The following ALK variants were observed in gnomAD, a reference collection of about 807,000 sequenced individuals.
ALK encodes the protein ALK receptor tyrosine kinase.
ALK carries 74 observed loss-of-function variants against 163.1 expected under a neutral mutation model. The ratio of observed to expected loss-of-function variants is 0.45; its 90% CI spans 0.38 to 0.55. ALK has a LOEUF of 0.55. ALK is among the 20% of genes least tolerant of loss of function. The pLI is 0.00. For synonymous variants in ALK, 960 were observed against 843.2 expected (o/e 1.14, Z -2.40); for missense variants, 2,063 against 2,105.3 (o/e 0.98, Z 0.39).
At chr2:29,328,871 G>T (rs115215804) in intron 5 of ALK, among the ~76,000 whole-genome samples, 1 of 152,298 alleles carries the variant, frequency 6.6e-6, no homozygotes, top group Non-Finnish European at 1.5e-5. Context: ...TCAAATTTGG[G>T]GTACCAAGAG....
chr2:29,328,283 A>T, intron 6 of ALK, 67 bp downstream of exon 6: 1 of 1,611,178 alleles, frequency 6.2e-7, no homozygotes, highest in Non-Finnish European at 8.5e-7. Flanking sequence ...TGCCTGGGAT[A>T]ATGGGGACAA....
intron 3 of ALK, among the ~76,000 whole-genome samples, chr2:29,605,628 A>G (rs1436151861): frequency 2.0e-5 from 3 of 152,186 alleles, no homozygotes; most frequent in Non-Finnish European, 4.4e-5. Flanking sequence ...TCACCTGGCA[A>G]GAAGGTGGCC....
At chr2:29,354,935 T>A (rs1052074215) in intron 5 of ALK, among the ~76,000 whole-genome samples, 9 of 151,988 alleles carry the variant, frequency 5.9e-5, no homozygotes, top group African/African-American at 2.2e-4. Flanking sequence ...CCTGGCTAAT[T>A]TTTTGTATTT....
rs924791487 is a variant in ALK, at chr2:29,513,677, C to T, written c.1154+18238G>A. On this transcript the variant is annotated intron_variant, in intron 4 of 28. Coordinates refer to ENST00000389048, the MANE Select transcript of ALK (RefSeq NM_004304.5). ...ATCTAATTAAACTAAACAGCTTCTG[C>T]ACAGCAAAAGAAACTACCATCAGAG... 8.3e-4 allele frequency among the ~76,000 whole-genome samples: 125 copies of T among 151,308 alleles called. 1 individual carries two copies. Among genetic ancestry groups the T allele is most frequent in the African/African-American group, 2.7e-3 (113 of 41,370 alleles).
intron 1 of ALK, among the ~76,000 whole-genome samples, chr2:29,795,959 G>A (rs527300628): frequency 3.2e-4 from 49 of 152,132 alleles, no homozygotes; most frequent in African/African-American, 1.2e-3. Context: ...AACGGCCTTC[G>A]AACTGCTTTT....
At chr2:29,734,640 CCTCT>C (rs1325242549) in intron 1 of ALK, among the ~76,000 whole-genome samples, 1 of 151,672 alleles carries the variant, frequency 6.6e-6, no homozygotes, top group Admixed American at 6.6e-5. Context: ...TCTCTTTCTC[CCTCT>C]CTCTTTCTGA....
chr2:29,232,036 C>CAAGTTGGTAAAACCT (rs67042195), intron 15 of ALK, among the ~76,000 whole-genome samples: 2 of 24,710 alleles, frequency 8.1e-5, no homozygotes, highest in Non-Finnish European at 3.3e-4. Flanking sequence ...CTAACAATTG[C>CAAGTTGGTAAAACCT]AGGGAGGGCC....
intron 1 of ALK, among the ~76,000 whole-genome samples, chr2:29,759,082 T>C (rs562636238): frequency 8.4e-4 from 128 of 152,334 alleles, no homozygotes; most frequent in Non-Finnish European, 1.6e-3. Flanking sequence ...ATCTCTTTTC[T>C]GTGTGTGTAA....
intron 5 of ALK, among the ~76,000 whole-genome samples, chr2:29,358,069 G>A (rs2148284603): frequency 6.6e-6 from 1 of 152,314 alleles, no homozygotes; most frequent in East Asian, 1.9e-4. Flanking sequence ...CAGCAGAAAG[G>A]AGACTCGAGC....
intron 3 of ALK, among the ~76,000 whole-genome samples, chr2:29,590,415 G>T (rs1185225231): frequency 6.6e-6 from 1 of 152,126 alleles, no homozygotes; most frequent in Non-Finnish European, 1.5e-5. Flanking sequence ...AGTTGACAAA[G>T]ATTTTTTGCC....
intron 3 of ALK, among the ~76,000 whole-genome samples, chr2:29,620,035 T>C (rs972976019): frequency 6.6e-6 from 1 of 152,236 alleles, no homozygotes; most frequent in African/African-American, 2.4e-5. Context: ...CAGTAGACGT[T>C]CCAGCCTTGG....
At position 29,322,874 on chromosome 2, in the gene ALK, G is replaced by A. The variant is rs552158062; in HGVS notation, c.1415-1992C>T. ...AAACAAACAAACAAAACACCCCAGG[G>A]CCCATGATGGAAGATTCCAGTGGGT... On this transcript the variant is annotated intron_variant, in intron 6 of 28. Coordinates refer to ENST00000389048, the MANE Select transcript of ALK (RefSeq NM_004304.5). Among the ~76,000 whole-genome samples the A allele has an allele frequency of 3.9e-5, 6 of 152,278 alleles. No individual in the cohort carries two copies. The South Asian group carries it at 1.2e-3, about 32-fold the overall frequency.
At chr2:29,556,141 T>C (rs1673852138) in intron 3 of ALK, among the ~76,000 whole-genome samples, 1 of 152,140 alleles carries the variant, frequency 6.6e-6, no homozygotes, top group Non-Finnish European at 1.5e-5. Context: ...GCAGAGCCTA[T>C]CTGGGAGATG....
intron 4 of ALK, among the ~76,000 whole-genome samples, chr2:29,521,262 T>C (rs1672804351): frequency 6.6e-6 from 1 of 152,164 alleles, no homozygotes; most frequent in African/African-American, 2.4e-5. Flanking sequence ...CATCTTCAGC[T>C]TCTGGCAATG....
chr2:29,307,336 C>A (rs1267352262), intron 8 of ALK, among the ~76,000 whole-genome samples: 1 of 152,208 alleles, frequency 6.6e-6, no homozygotes, highest in Non-Finnish European at 1.5e-5. Context: ...TGCATGAATT[C>A]CAATAGTAGA....
intron 1 of ALK, among the ~76,000 whole-genome samples, chr2:29,883,268 TCCAGCTACTGAGGTCTGCCAG>T (rs1418018014): frequency 6.6e-6 from 1 of 152,258 alleles, no homozygotes; most frequent in Non-Finnish European, 1.5e-5. Flanking sequence ...CTGTGCTAAC[TCCAGCTACTGAGGTCTGCCAG>T]CCATTCCCCA....
At chr2:29,796,452 T>G (rs573247359) in intron 1 of ALK, among the ~76,000 whole-genome samples, 2 of 152,284 alleles carry the variant, frequency 1.3e-5, no homozygotes, top group East Asian at 3.9e-4. Flanking sequence ...TCTGAACAAA[T>G]GGGAAGATGG....
rs184472050 is a variant in ALK, at chr2:29,333,689, C to T, written c.1283-5208G>A. On this transcript the variant is annotated intron_variant, in intron 5 of 28. Coordinates refer to ENST00000389048, the MANE Select transcript of ALK (RefSeq NM_004304.5). ...GGAGCGTCATGGCGCAACCTTGGCT[C>T]GTCCTAGCCTTGACCTTCCCGACCT... Among the ~76,000 whole-genome samples, 585 of 152,302 alleles carry T rather than the reference C, an allele frequency of 3.8e-3. 3 individuals are homozygous for T. The highest frequency in any genetic ancestry group is 0.013 in the African/African-American group (560 of 41,556).
intron 1 of ALK, among the ~76,000 whole-genome samples, chr2:29,778,502 T>C (rs144755338): frequency 3.9e-5 from 6 of 152,280 alleles, no homozygotes; most frequent in African/African-American, 1.4e-4. Context: ...TTGGCCGCCA[T>C]CATGCGTGGG....
Sources: allele counts gnomAD v4.1 joint callset (sites outside exome capture counted in the v4.1 genomes callset), GRCh38; gene constraint gnomAD v4.1.1; transcripts MANE v1.5; gene names NCBI Gene and HGNC (gene_info 2026-07-23, HGNC 2026-07-21).